NDST3: variants seen among roughly 807,000 people sequenced by gnomAD.
NDST3 encodes bifunctional heparan sulfate N-deacetylase/N-sulfotransferase 3.
NDST3 carries 58 observed loss-of-function variants against 96.1 expected under a neutral mutation model. That is an observed-to-expected ratio of 0.60 (90% CI 0.49 to 0.75). NDST3 has a LOEUF of 0.75. Ranked by LOEUF, NDST3 falls within the 30% of genes least tolerant of loss-of-function variation. The pLI, the probability that NDST3 is intolerant of heterozygous loss-of-function variation, is 0.00. For synonymous variants in NDST3, 333 were observed against 359.7 expected (o/e 0.93, Z 0.84); for missense variants, 788 against 1,034.2 (o/e 0.76, Z 3.27).
intron 4 of NDST3, among the ~76,000 whole-genome samples, chr4:118,117,792 C>T (rs1325416597): frequency 1.3e-5 from 2 of 152,080 alleles, no homozygotes; most frequent in East Asian, 3.9e-4. Flanking sequence ...TAAAGTGTGC[C>T]CCCTGCCGAG....
intron 6 of NDST3, among the ~76,000 whole-genome samples, chr4:118,144,799 T>C (rs547453555): frequency 6.6e-6 from 1 of 152,114 alleles, no homozygotes; most frequent in African/African-American, 2.4e-5. Flanking sequence ...TTGAATAAAA[T>C]TTGCAAAACC....
chr4:118,223,751 T>G (rs540121426), intron 6 of NDST3, among the ~76,000 whole-genome samples: 13 of 152,264 alleles, frequency 8.5e-5, no homozygotes, highest in Admixed American at 7.9e-4. Context: ...TTGTTACTAT[T>G]CATTCACATG....
chr4:118,211,362 C>T (rs941559707), intron 6 of NDST3, among the ~76,000 whole-genome samples: 1 of 152,008 alleles, frequency 6.6e-6, no homozygotes, highest in Non-Finnish European at 1.5e-5. Flanking sequence ...ATATGAGCTA[C>T]ATAATTATTT....
intron 2 of NDST3, among the ~76,000 whole-genome samples, chr4:118,092,476 C>T (rs1728960312): frequency 6.6e-6 from 1 of 151,760 alleles, no homozygotes; most frequent in Non-Finnish European, 1.5e-5. Context: ...TTCCTCAAGT[C>T]AGCTGGCCTT....
At chr4:118,139,849 A>G (rs1479487033) in intron 5 of NDST3, among the ~76,000 whole-genome samples, 1 of 151,954 alleles carries the variant, frequency 6.6e-6, no homozygotes, top group Non-Finnish European at 1.5e-5. Context: ...TTCCTTTCCC[A>G]CTGCCACCAT....
chr4:118,241,348 A>T (rs1276965887), intron 11 of NDST3, among the ~76,000 whole-genome samples: 1 of 152,254 alleles, frequency 6.6e-6, no homozygotes, highest in African/African-American at 2.4e-5. Flanking sequence ...GAACATGTTC[A>T]TCATCACAGA....
At chr4:118,126,330 G>T (rs1409359109) in intron 4 of NDST3, among the ~76,000 whole-genome samples, 4 of 151,690 alleles carry the variant, frequency 2.6e-5, no homozygotes, top group Non-Finnish European at 5.9e-5. Context: ...GTGTTCAATT[G>T]TTTCGAGTTT....
upstream of NDST3, among the ~76,000 whole-genome samples, chr4:118,033,422 G>A (rs1489461385): frequency 6.6e-6 from 1 of 152,126 alleles, no homozygotes; most frequent in Non-Finnish European, 1.5e-5. Flanking sequence ...GGGGCGGTCG[G>A]AACTGGCAGG....
At chr4:118,161,907 C>T (rs1302144604) in intron 6 of NDST3, among the ~76,000 whole-genome samples, 1 of 152,156 alleles carries the variant, frequency 6.6e-6, no homozygotes, top group Non-Finnish European at 1.5e-5. Context: ...CTGGCACTCC[C>T]TAGTGAGATG....
chr4:118,193,125 A>C (rs1264136107), intron 6 of NDST3, among the ~76,000 whole-genome samples: 1 of 152,090 alleles, frequency 6.6e-6, no homozygotes. Flanking sequence ...CCTAACAAAC[A>C]GAAGGAGCAA....
intron 6 of NDST3, among the ~76,000 whole-genome samples, chr4:118,200,079 C>G (rs1737967329): frequency 6.6e-6 from 1 of 152,224 alleles, no homozygotes; most frequent in South Asian, 2.1e-4. Context: ...CCCTGAAGAT[C>G]TGCAATTAGC....
At chr4:118,248,319 C>G (rs1741451490) in intron 12 of NDST3, among the ~76,000 whole-genome samples, 1 of 152,010 alleles carries the variant, frequency 6.6e-6, no homozygotes, top group Admixed American at 6.6e-5. Context: ...CCACTTCACT[C>G]CAGCCTGGGC....
chr4:118,166,127 G>T (rs1735532773), intron 6 of NDST3, among the ~76,000 whole-genome samples: 1 of 151,562 alleles, frequency 6.6e-6, no homozygotes, highest in Admixed American at 6.6e-5. Context: ...AATGAAATTG[G>T]TTTTTTGAAA....
chr4:118,118,844 T>C (rs888532151), intron 4 of NDST3, among the ~76,000 whole-genome samples: 9 of 152,202 alleles, frequency 5.9e-5, no homozygotes, highest in Non-Finnish European at 1.2e-4. Flanking sequence ...GTGTGTAAAA[T>C]AGAATAACAT....
At chr4:118,183,400 T>C (rs1054551543) in intron 6 of NDST3, among the ~76,000 whole-genome samples, 1 of 152,192 alleles carries the variant, frequency 6.6e-6, no homozygotes, top group African/African-American at 2.4e-5. Flanking sequence ...TGATATCATT[T>C]GATTCAAAGC....
rs571041989 is a variant in NDST3 at position 118,092,707 on chromosome 4, C to A, written c.982-12311C>A. 4.2e-4 allele frequency among the ~76,000 whole-genome samples: 64 copies of A among 151,918 alleles called. 1 individual carries two copies. The highest frequency in any genetic ancestry group is 1.5e-3 in the African/African-American group (61 of 41,488). On this transcript the variant is annotated intron_variant, in intron 2 of 13. Transcript: ENST00000296499. ...TCATTCAATAAATATTTATGAGTGC[C>A]TACTACATAGCACTGGGCAAACTGT...
At chr4:118,050,739 GA>G in intron 1 of NDST3, among the ~76,000 whole-genome samples, 1 of 152,118 alleles carries the variant, frequency 6.6e-6, no homozygotes, top group Non-Finnish European at 1.5e-5. Flanking sequence ...ACAAATAAAT[GA>G]AAATACTTTT....
intron 3 of NDST3, among the ~76,000 whole-genome samples, chr4:118,106,538 C>T (rs1032499162): frequency 3.9e-5 from 6 of 151,936 alleles, no homozygotes; most frequent in African/African-American, 1.5e-4. Flanking sequence ...AGGGGTCTCA[C>T]TATGTTGCCT....
intron 4 of NDST3, among the ~76,000 whole-genome samples, chr4:118,127,276 T>C (rs1435570506): frequency 6.6e-6 from 1 of 152,100 alleles, no homozygotes; most frequent in African/African-American, 2.4e-5. Flanking sequence ...CCAAGACCAA[T>C]GTCTTGGAGA....
Sources: allele counts gnomAD v4.1 joint callset (sites outside exome capture counted in the v4.1 genomes callset), GRCh38; gene constraint gnomAD v4.1.1; transcripts MANE v1.5; gene names NCBI Gene and HGNC (gene_info 2026-07-23, HGNC 2026-07-21).